The following DCC variants were observed in gnomAD, a reference collection of about 807,000 sequenced individuals.
DCC encodes the protein netrin receptor DCC.
A neutral mutation model predicts 172.5 loss-of-function variants in DCC; 58 were observed. That is an observed-to-expected ratio of 0.34 (90% CI 0.27 to 0.42). The LOEUF is 0.42. Among genes scored for constraint, DCC ranks in the 10% least tolerant of loss-of-function variants. DCC has a pLI of 1.00. For synonymous variants in DCC, 709 were observed against 644.5 expected, an observed-to-expected ratio of 1.10 and a Z score of -1.52; for missense variants, 1,740 against 1,791.0, an observed-to-expected ratio of 0.97 and a Z score of 0.51.
chr18:52,439,857 A>C (rs1181219465), intron 1 of DCC, among the ~76,000 whole-genome samples: 1 of 152,226 alleles, frequency 6.6e-6, no homozygotes, highest in Non-Finnish European at 1.5e-5. Context: ...AAAGTATCTT[A>C]TGTACCTCAT....
chr18:52,991,681 C>T (rs1462152835), intron 5 of DCC, among the ~76,000 whole-genome samples: 1 of 152,142 alleles, frequency 6.6e-6, no homozygotes, highest in Admixed American at 6.5e-5. Flanking sequence ...ATGCTTCCTG[C>T]TTAAACTGAT....
chr18:53,056,413 A>G (rs2042404920), intron 5 of DCC, among the ~76,000 whole-genome samples: 1 of 152,138 alleles, frequency 6.6e-6, no homozygotes, highest in African/African-American at 2.4e-5. Flanking sequence ...CCACACCAAT[A>G]TGTTATCTCC....
At chr18:52,947,681 T>C (rs1388479370) in intron 5 of DCC, among the ~76,000 whole-genome samples, 3 of 152,182 alleles carry the variant, frequency 2.0e-5, no homozygotes, top group African/African-American at 4.8e-5. Context: ...AGTCTGCTCA[T>C]GGGATATGTG....
At chr18:53,181,394 G>A (rs906901168) in intron 9 of DCC, among the ~76,000 whole-genome samples, 88 of 144,052 alleles carry the variant, frequency 6.1e-4, no homozygotes, top group African/African-American at 2.2e-3. Flanking sequence ...AATTTTCAGT[G>A]TTTTAAAATT....
At position 52,512,331 on chromosome 18, in the gene DCC, C is replaced by A. The variant is rs925660640; in HGVS notation, c.91+171453C>A. Reference sequence around the variant, plus strand: ...AATTATTTAATCTTGGTGCCACTAACAAATTTGGCCATTACTTTATGGCTT... The same window carrying A: ...AATTATTTAATCTTGGTGCCACTAAAAAATTTGGCCATTACTTTATGGCTT... On this transcript the variant is annotated intron_variant, in intron 1 of 28. Coordinates refer to ENST00000442544, the MANE Select transcript of DCC (RefSeq NM_005215.4). Among the ~76,000 whole-genome samples the A allele has an allele frequency of 1.1e-4, 17 of 152,244 alleles. 1 individual carries two copies. The Middle Eastern group carries it at 0.01, about 91-fold the overall frequency.
intron 5 of DCC, among the ~76,000 whole-genome samples, chr18:53,021,206 G>C (rs929602344): frequency 6.6e-6 from 1 of 152,204 alleles, no homozygotes; most frequent in Non-Finnish European, 1.5e-5. Flanking sequence ...GGCGAAGAGA[G>C]AATACCTGGC....
intron 5 of DCC, among the ~76,000 whole-genome samples, chr18:52,969,334 C>T (rs1335242085): frequency 2.0e-5 from 3 of 151,936 alleles, no homozygotes; most frequent in African/African-American, 4.8e-5. Flanking sequence ...TCCAAATTGC[C>T]TCTCCCTTGA....
chr18:53,410,590 G>A lies in DCC; in HGVS notation c.3074G>A (p.Arg1025Gln), dbSNP rs373862495. 4.9e-5 allele frequency: 79 copies of A among 1,611,156 alleles called. 2 individuals carry two copies. Among genetic ancestry groups the A allele is most frequent in the Middle Eastern group, 1.6e-4 (1 of 6,082 alleles). The change falls in exon 20 of 29, where the codon CGA (arginine) becomes CAA (glutamine). Residue 1025 changes from arginine to glutamine, a missense_variant. Arg to Gln is a conservative substitution (Grantham distance 43). Around this residue, in one of 2 missense-constraint regions of DCC, gnomAD observed 1,732 missense variants for 1,767.4 expected, o/e 0.98. Coordinates refer to ENST00000442544, the MANE Select transcript of DCC (RefSeq NM_005215.4). ...DTMYYFRIQA[R>Q]NSKGVGPLSD... Reference sequence around the variant, plus strand: ...ATGTATTACTTTCGAATTCAAGCACGAAATTCAAAAGGAGTGGGGCCACTC... The same window carrying A: ...ATGTATTACTTTCGAATTCAAGCACAAAATTCAAAAGGAGTGGGGCCACTC...
At chr18:52,685,320 T>C (rs2035813718) in intron 1 of DCC, among the ~76,000 whole-genome samples, 2 of 152,168 alleles carry the variant, frequency 1.3e-5, no homozygotes, top group Non-Finnish European at 2.9e-5. Context: ...ATTTGATTTA[T>C]TGATCATTTC....
chr18:53,498,839 T>C (rs112150621), intron 26 of DCC, among the ~76,000 whole-genome samples: 2 of 152,350 alleles, frequency 1.3e-5, no homozygotes, highest in East Asian at 3.9e-4. Flanking sequence ...CCTCTGAGCA[T>C]CCTGTAACTC....
At chr18:52,417,133 G>A (rs1987064224) in intron 1 of DCC, among the ~76,000 whole-genome samples, 1 of 152,018 alleles carries the variant, frequency 6.6e-6, no homozygotes, top group African/African-American at 2.4e-5. Flanking sequence ...CACTTATGAA[G>A]CTTAGTTTGG....
At chr18:52,984,509 CT>C (rs1271395989) in intron 5 of DCC, among the ~76,000 whole-genome samples, 1 of 151,938 alleles carries the variant, frequency 6.6e-6, no homozygotes, top group Non-Finnish European at 1.5e-5. Context: ...ATGATAATGG[CT>C]TTTAAAAGTA....
intron 2 of DCC, among the ~76,000 whole-genome samples, chr18:52,890,631 A>G (rs868358978): frequency 6.6e-6 from 1 of 152,020 alleles, no homozygotes; most frequent in Admixed American, 6.6e-5. Flanking sequence ...AGATTGATGA[A>G]CTCTGTTGGT....
At chr18:52,959,685 A>C (rs1262081420) in intron 5 of DCC, among the ~76,000 whole-genome samples, 1 of 152,118 alleles carries the variant, frequency 6.6e-6, no homozygotes, top group Non-Finnish European at 1.5e-5. Flanking sequence ...TTAAATCATC[A>C]CACATGGGAG....
intron 5 of DCC, among the ~76,000 whole-genome samples, chr18:52,949,771 G>C (rs1191563509): frequency 6.6e-6 from 1 of 152,176 alleles, no homozygotes; most frequent in African/African-American, 2.4e-5. Flanking sequence ...ATAACATCTT[G>C]GTGATAATAT....
intron 1 of DCC, among the ~76,000 whole-genome samples, chr18:52,751,182 A>G (rs906673301): frequency 6.6e-6 from 1 of 152,232 alleles, no homozygotes; most frequent in African/African-American, 2.4e-5. Context: ...TGATTTAAGT[A>G]TACACCTGTC....
intron 26 of DCC, among the ~76,000 whole-genome samples, chr18:53,495,173 C>T (rs1235248944): frequency 6.6e-6 from 1 of 152,090 alleles, no homozygotes; most frequent in East Asian, 1.9e-4. Context: ...TGGTGGAGCA[C>T]CTGAGGTCAG....
intron 1 of DCC, among the ~76,000 whole-genome samples, chr18:52,549,568 A>G (rs563451701): frequency 6.6e-6 from 1 of 152,244 alleles, no homozygotes; most frequent in South Asian, 2.1e-4. Flanking sequence ...CTGTAGCCTC[A>G]TTCCTACCAC....
intron 1 of DCC, among the ~76,000 whole-genome samples, chr18:52,635,891 G>T (rs553698849): frequency 2.8e-4 from 43 of 152,290 alleles, no homozygotes; most frequent in African/African-American, 8.9e-4. Flanking sequence ...GCCGGCAGCG[G>T]CTCGCATTGT....
Sources: gnomAD v4.1 joint callset for allele counts (sites outside exome capture counted in the v4.1 genomes callset) on GRCh38, gnomAD v4.1.1 for gene constraint, gnomAD v4.1.1 regional missense constraint, MANE v1.5 for transcripts, NCBI Gene and HGNC (gene_info 2026-07-23, HGNC 2026-07-21) for gene names.